Variants in PCDHGA10 observed in about 807,000 individuals in gnomAD.
PCDHGA10 encodes the protein protocadherin gamma subfamily A, 10.
Under a neutral mutation model 59.5 loss-of-function variants are expected in PCDHGA10, and 42 were observed. The ratio of observed to expected loss-of-function variants is 0.71; its 90% confidence interval spans 0.55 to 0.91. PCDHGA10 has a LOEUF of 0.91. Among genes scored for constraint, PCDHGA10 ranks in the 40% least tolerant of loss-of-function variants. The probability of loss-of-function intolerance (pLI) is 0.00; values close to 1 mark genes in which losing one functional copy is unlikely to be tolerated. For synonymous variants in PCDHGA10, 511 were observed against 517.2 expected, an observed-to-expected ratio of 0.99 and a Z score of 0.16; for missense variants, 1,111 against 1,198.2, an observed-to-expected ratio of 0.93 and a Z score of 1.07.
Position 141,432,108 on chromosome 5 carries a change from C to G in PCDHGA10, c.2436+16497C>G. ...GTGGCAGACACCAACGACAACCCGC[C>G]GGTCTTCCCTCAGGCCTCCTATTCC... On this transcript the variant is annotated intron_variant, in intron 1 of 3. Coordinates refer to ENST00000398610, the MANE Select transcript of PCDHGA10 (RefSeq NM_018913.3). The surrounding 1 kb of genome is among the most constrained non-coding windows in gnomAD (Gnocchi z 6.0). 4 of 1,614,180 alleles carry G rather than the reference C, an allele frequency of 2.5e-6. No homozygotes were observed. The highest frequency in any genetic ancestry group is 3.4e-6 in the Non-Finnish European group (4 of 1,180,046).
chr5:141,459,595 T>C (rs904266180), intron 1 of PCDHGA10, among the ~76,000 whole-genome samples: 10 of 152,232 alleles, frequency 6.6e-5, no homozygotes, highest in African/African-American at 9.6e-5. Context: ...TCATATGAAA[T>C]GGGAAGTATA....
chr5:141,457,422 T>C (rs2098920028), intron 1 of PCDHGA10, among the ~76,000 whole-genome samples: 1 of 151,626 alleles, frequency 6.6e-6, no homozygotes. Flanking sequence ...CATCCCTTTT[T>C]CCCCCCCACC....
At chr5:141,492,070 G>T (rs1408035481) in intron 1 of PCDHGA10, 1 of 477,946 alleles carries the variant, frequency 2.1e-6, no homozygotes. Context: ...CCTCCTAGGC[G>T]CCGGCTCCGG....
At chr5:141,436,211 C>T (rs12108692) in intron 1 of PCDHGA10, among the ~76,000 whole-genome samples, 2,997 of 152,100 alleles carry the variant, frequency 0.02, 43 homozygotes, top group African/African-American at 0.029. Flanking sequence ...AATAGGAAAA[C>T]AAATGACTTG....
chr5:141,445,075 A>G (rs1251499929), intron 1 of PCDHGA10, among the ~76,000 whole-genome samples: 1 of 152,170 alleles, frequency 6.6e-6, no homozygotes, highest in East Asian at 1.9e-4. Context: ...TTCTCATTAA[A>G]TTGTCCCTAC....
At chr5:141,421,434 C>T (rs1247535353) in intron 1 of PCDHGA10, 1 of 1,613,980 alleles carries the variant, frequency 6.2e-7, no homozygotes, top group Non-Finnish European at 8.5e-7. Context: ...GCATCGTCTC[C>T]AGAGGGAAGA....
chr5:141,413,578 C>G lies in PCDHGA10; in HGVS notation c.403C>G (p.Pro135Ala). ...AGTAACTGATATCAATGACAATGCT[C>G]CAAAATTCCAAGCAGAAAATCTAGA... ...IEVTDINDNA[P>A]KFQAENLDVK... The change falls in exon 1 of 4, where the codon CCA becomes GCA. Residue 135 changes from proline to alanine, a missense_variant. By Grantham distance (27) the Pro-to-Ala change is conservative. Transcript: ENST00000398610. The G allele has an allele frequency of 6.2e-7, 1 of 1,613,870 alleles. No homozygotes were observed. The highest frequency in any genetic ancestry group is 8.5e-7 in the Non-Finnish European group (1 of 1,179,890).
chr5:141,437,892 C>A (rs2097916583), intron 1 of PCDHGA10, among the ~76,000 whole-genome samples: 2 of 152,116 alleles, frequency 1.3e-5, no homozygotes, highest in Admixed American at 1.3e-4. Context: ...CACACGCCAC[C>A]ACACCCAGCT....
At chr5:141,464,000 T>C (rs1045842127) in intron 1 of PCDHGA10, among the ~76,000 whole-genome samples, 15 of 152,158 alleles carry the variant, frequency 9.9e-5, no homozygotes, top group Non-Finnish European at 1.3e-4. Context: ...GTGCAGTGGC[T>C]CATGCTTGTA....
chr5:141,414,526 G>T lies in PCDHGA10; in HGVS notation c.1351G>T (p.Asp451Tyr). 6.2e-7 allele frequency: 1 copy of T among 1,613,912 alleles called. No individual in the cohort carries two copies. Among genetic ancestry groups the T allele is most frequent in the Non-Finnish European group, 8.5e-7 (1 of 1,179,892 alleles). The change falls in exon 1 of 4, where the codon GAC (aspartate) becomes TAC (tyrosine). Residue 451 changes from aspartate (D) to tyrosine (Y), a missense_variant. By Grantham distance (160) the Asp-to-Tyr change is radical. Coordinates refer to ENST00000398610, the MANE Select transcript of PCDHGA10 (RefSeq NM_018913.3). ...HFMLQVADIN[D>Y]NPPTFSQVSY... ...TATGCTACAAGTGGCAGATATCAAT[G>T]ACAACCCACCTACCTTCTCTCAAGT...
In PCDHGA10 at chr5:141,413,886, C is replaced by T. The variant is rs916273509; in HGVS notation, c.711C>T (p.Phe237=). The T allele has an allele frequency of 8.7e-6, 14 of 1,613,202 alleles. No homozygotes were observed. The African/African-American group carries it at 1.7e-4, about 20-fold the overall frequency. Residue 237 remains phenylalanine (F), a synonymous_variant, in exon 1 of 4, where the codon TTC becomes TTT. Transcript: ENST00000398610. ...CTGTCCTTGTCAGTGTGACTGTCTT[C>T]GATGCAAATGACAACGCGCCGGTCT... ...SGTVLVSVTV[F]DANDNAPVFT...
chr5:141,510,428 G>A (rs1254357998), intron 3 of PCDHGA10, among the ~76,000 whole-genome samples: 2 of 152,092 alleles, frequency 1.3e-5, no homozygotes, highest in African/African-American at 4.8e-5. Flanking sequence ...TGGTTTCATG[G>A]CTGCTGCCCT....
chr5:141,432,495 C>G lies in PCDHGA10; in HGVS notation c.2436+16884C>G. 1.2e-6 allele frequency: 2 copies of G among 1,614,182 alleles called. No individual in the cohort carries two copies. The highest frequency in any genetic ancestry group is 1.7e-6 in the Non-Finnish European group (2 of 1,180,048). On this transcript the variant is annotated intron_variant, in intron 1 of 3. Coordinates refer to ENST00000398610, the MANE Select transcript of PCDHGA10 (RefSeq NM_018913.3). The surrounding 1 kb of genome is among the most constrained non-coding windows in gnomAD (Gnocchi z 6.0). ...GGTTCCACTGGCGTGGAGCTGGCTC[C>G]CCGCTCCGCAGAGCCCGGCTACCTG...
chr5:141,472,268 A>G (rs399559), intron 1 of PCDHGA10, among the ~76,000 whole-genome samples: 152,324 of 152,332 alleles, frequency 1, 76,158 homozygotes, highest in Middle Eastern at 1. Flanking sequence ...ATAGCCGGGC[A>G]CAGTGGCTCA....
In PCDHGA10 at chr5:141,485,972, T is replaced by G; in HGVS notation, c.2437-8835T>G. ...CATGGTGCTCATCCAGCTCAATGCC[T>G]CAGACCCGGACCTGGGTCCCAGTGG... On this transcript the variant is annotated intron_variant, in intron 1 of 3. Transcript: ENST00000398610. The surrounding 1 kb of genome is among the most constrained non-coding windows in gnomAD (Gnocchi z 5.7). 1 of 1,614,184 alleles carries G rather than the reference T, an allele frequency of 6.2e-7. No individual in the cohort carries two copies. Among genetic ancestry groups the G allele is most frequent in the Non-Finnish European group, 8.5e-7 (1 of 1,180,022 alleles).
In PCDHGA10 at chr5:141,413,959, G is replaced by A; in HGVS notation, c.784G>A (p.Gly262Ser). Residue 262 changes from glycine to serine, a missense_variant, in exon 1 of 4, where the codon GGC (glycine) becomes AGC (serine). Coordinates refer to ENST00000398610, the MANE Select transcript of PCDHGA10 (RefSeq NM_018913.3). ...RVSVPENLPV[G>S]TQLLTVTATD... ...GAGTGTTCCTGAGAATTTGCCTGTG[G>A]GCACTCAGCTGCTGACAGTCACAGC... 3 of 1,613,372 alleles carry A rather than the reference G, an allele frequency of 1.9e-6. No homozygotes were observed. The highest frequency in any genetic ancestry group is 3.3e-4 in the Middle Eastern group (2 of 6,062).
rs777288812 is a variant in PCDHGA10 at position 141,487,236 on chromosome 5, G to A, written c.2437-7571G>A. The A allele has an allele frequency of 1.7e-5, 28 of 1,613,962 alleles. No homozygotes were observed. The highest frequency in any genetic ancestry group is 1.4e-4 in the South Asian group (13 of 91,070). On this transcript the variant is annotated intron_variant, in intron 1 of 3. Coordinates refer to ENST00000398610, the MANE Select transcript of PCDHGA10 (RefSeq NM_018913.3). This position sits in a 1 kb window ranked among gnomAD's most constrained non-coding sequence, Gnocchi z 5.0. ...TCAGCTCCAAGGGAAGGAGAATCTC[G>A]TCTAACCCTCTACTTGGCTGTGTCC... is the stretch of plus-strand genomic sequence containing the variant.
intron 1 of PCDHGA10, chr5:141,421,232 C>G (rs748347420): frequency 1.3e-6 from 2 of 1,590,370 alleles, no homozygotes; most frequent in Non-Finnish European, 1.7e-6. Context: ...CCTGCCATGG[C>G]GAATCGGCTA....
Position 141,485,181 on chromosome 5 carries a change from G to C in PCDHGA10, c.2437-9626G>C. 1 of 1,612,942 alleles carries C rather than the reference G, an allele frequency of 6.2e-7. No individual in the cohort carries two copies. Among genetic ancestry groups the C allele is most frequent in the East Asian group, 2.2e-5 (1 of 44,868 alleles). On this transcript the variant is annotated intron_variant, in intron 1 of 3. Transcript: ENST00000398610. This position sits in a 1 kb window ranked among gnomAD's most constrained non-coding sequence, Gnocchi z 5.7. ...AATTAGCGGGCGGCAGCAATGCTCC[G>C]CAAGGTGAGAAGCTGGACAGAAATC...
Sources: gnomAD v4.1 joint callset for allele counts (sites outside exome capture counted in the v4.1 genomes callset) on GRCh38, gnomAD v4.1.1 for gene constraint, Gnocchi (gnomAD v3.1) non-coding constraint, MANE v1.5 for transcripts, NCBI Gene and HGNC (gene_info 2026-07-23, HGNC 2026-07-21) for gene names.